RAI1: variants seen among roughly 807,000 people sequenced by gnomAD.
RAI1 encodes retinoic acid induced 1, also known as retinoic acid-induced protein 1.
In RAI1, 9 loss-of-function variants were observed where a neutral mutation model predicts 123.8. The observed-to-expected ratio is 0.07, with a 90% confidence interval of 0.04 to 0.13. The LOEUF (loss-of-function observed/expected upper bound fraction) is 0.13, where lower values mean the gene tolerates loss of function less well. RAI1 is among the 10% of genes least tolerant of loss of function. The pLI is 1.00. For synonymous variants in RAI1, 1,231 were observed against 1,127.3 expected (o/e 1.09, Z -1.84); for missense variants, 2,256 against 2,545.8 (o/e 0.89, Z 2.45).
At chr17:17,745,644 C>T (rs1323360424) in intron 2 of RAI1, among the ~76,000 whole-genome samples, 2 of 152,186 alleles carry the variant, frequency 1.3e-5, no homozygotes, top group Non-Finnish European at 2.9e-5. Flanking sequence ...GTGATCCACC[C>T]GCCTTGGCCT....
chr17:17,782,394 G>A (rs1293333036), intron 2 of RAI1, among the ~76,000 whole-genome samples: 1 of 151,922 alleles, frequency 6.6e-6, no homozygotes, highest in African/African-American at 2.4e-5. Flanking sequence ...GGAGGGCAGA[G>A]CGGGATTCCC....
At chr17:17,715,723 C>T (rs1426790372) in intron 1 of RAI1, among the ~76,000 whole-genome samples, 1 of 152,156 alleles carries the variant, frequency 6.6e-6, no homozygotes, top group African/African-American at 2.4e-5. Flanking sequence ...ATTCAGATGC[C>T]CCCCGGAAAG....
In RAI1 at chr17:17,800,210, C is replaced by G. The variant is rs1199777783; in HGVS notation, c.5565+1697C>G. On this transcript the variant is annotated intron_variant, in intron 3 of 5. Transcript: ENST00000353383. The surrounding 1 kb of genome is among the most constrained non-coding windows in gnomAD (Gnocchi z 4.7). ...TCTCTCTCTCTCTCTCTCTCTCTCT[C>G]TCTCTCTCTCTCTCTCTCATTACTG... Among the ~76,000 whole-genome samples, 17 of 142,172 alleles carry G rather than the reference C, an allele frequency of 1.2e-4. No individual in the cohort carries two copies. The highest frequency in any genetic ancestry group is 3.2e-4 in the African/African-American group (12 of 37,204). The allele number at this position is 142,172 out of a possible 152,430, so 93.3% of individuals were successfully genotyped here. A position where few individuals can be genotyped will look rare whatever the true frequency, so the allele number is the denominator to read the frequency against.
chr17:17,798,926 A>C (rs1341838446), intron 3 of RAI1, among the ~76,000 whole-genome samples: 1 of 152,016 alleles, frequency 6.6e-6, no homozygotes, highest in Non-Finnish European at 1.5e-5. Context: ...CAAGTTGCCC[A>C]CCCTCTGTTC....
chr17:17,688,805 G>A (rs1405651125), intron 1 of RAI1, among the ~76,000 whole-genome samples: 4 of 151,890 alleles, frequency 2.6e-5, no homozygotes, highest in Non-Finnish European at 5.9e-5. Context: ...TCACCATGCT[G>A]GTCAGGCTGG....
Position 17,796,900 on chromosome 17 carries a change from G to T in RAI1, c.3952G>T (p.Val1318Leu). 6.2e-7 allele frequency: 1 copy of T among 1,613,332 alleles called. No homozygotes were observed. The change falls in exon 3 of 6, where the codon GTG becomes TTG. Residue 1318 changes from valine to leucine, a missense_variant. Transcript: ENST00000353383. The surrounding 1 kb of genome is among the most constrained non-coding windows in gnomAD (Gnocchi z 5.8). ...CTTCCAGGGGGCCATGAAGACCAAG[G>T]TGCTGCCACCCCGGAAGGGCCGGGG... ...AAFQGAMKTK[V>L]LPPRKGRGLK... is the part of the protein sequence containing the mutation.
intron 2 of RAI1, among the ~76,000 whole-genome samples, chr17:17,757,815 C>T (rs147154709): frequency 0.018 from 2,803 of 152,314 alleles, 82 homozygotes; most frequent in African/African-American, 0.063. Context: ...CAACCCCAGG[C>T]GCCGGGGCGG....
At chr17:17,777,491 G>A (rs2031388689) in intron 2 of RAI1, 1 of 152,226 alleles carries the variant, frequency 6.6e-6, no homozygotes, top group African/African-American at 2.4e-5. Context: ...ATTATGGTGA[G>A]AAGTTTGTAG....
chr17:17,786,769 C>G (rs1330776265), intron 2 of RAI1, among the ~76,000 whole-genome samples: 1 of 152,232 alleles, frequency 6.6e-6, no homozygotes, highest in East Asian at 1.9e-4. Context: ...GCCAGACAGT[C>G]CTGTGCCTTC....
intron 4 of RAI1, among the ~76,000 whole-genome samples, chr17:17,804,945 C>G (rs1263308805): frequency 6.6e-6 from 1 of 152,130 alleles, no homozygotes; most frequent in Non-Finnish European, 1.5e-5. Context: ...TCACTGCAAC[C>G]TCCGCCTCCC....
intron 2 of RAI1, among the ~76,000 whole-genome samples, chr17:17,742,623 A>AAG (rs985905597): frequency 2.4e-4 from 36 of 152,034 alleles, no homozygotes; most frequent in South Asian, 4.2e-4. Flanking sequence ...CTCGTTTTAA[A>AAG]AGAGAGAGAG....
intron 1 of RAI1, among the ~76,000 whole-genome samples, chr17:17,716,956 C>T (rs1160401096): frequency 1.3e-5 from 2 of 152,182 alleles, no homozygotes; most frequent in East Asian, 1.9e-4. Context: ...ACCCCACCAG[C>T]GTTGGGGCTG....
At chr17:17,752,358 G>C (rs540124435) in intron 2 of RAI1, among the ~76,000 whole-genome samples, 1 of 152,212 alleles carries the variant, frequency 6.6e-6, no homozygotes, top group Non-Finnish European at 1.5e-5. Context: ...GAGCGGAAAG[G>C]GGCGGGGCTG....
chr17:17,762,659 C>T (rs879493468), intron 2 of RAI1, among the ~76,000 whole-genome samples: 1 of 152,120 alleles, frequency 6.6e-6, no homozygotes, highest in Non-Finnish European at 1.5e-5. Flanking sequence ...TGTGACTGGC[C>T]AGGGGTTTGA....
At chr17:17,747,496 C>T (rs554081969) in intron 2 of RAI1, among the ~76,000 whole-genome samples, 41 of 152,260 alleles carry the variant, frequency 2.7e-4, no homozygotes, top group South Asian at 6.2e-4. Context: ...TGAGGGCAAC[C>T]GACATAGGGC....
rs1248807209 is a variant in RAI1, at chr17:17,800,487, G to T, written c.5565+1974G>T. ...CACTGGCCGGCCGAAGGGAGGAGGG[G>T]TCAGCCCCGAGCACCGACCACCCCA... On this transcript the variant is annotated intron_variant, in intron 3 of 5. Transcript: ENST00000353383. The surrounding 1 kb of genome is among the most constrained non-coding windows in gnomAD (Gnocchi z 4.7). 1.3e-5 allele frequency among the ~76,000 whole-genome samples: 2 copies of T among 152,214 alleles called. No homozygotes were observed. Among genetic ancestry groups the T allele is most frequent in the Non-Finnish European group, 2.9e-5 (2 of 68,036 alleles).
intron 2 of RAI1, chr17:17,778,840 C>G: frequency 2.2e-6 from 1 of 456,798 alleles, no homozygotes; most frequent in Non-Finnish European, 4.4e-6. Context: ...CTCTCTCCCC[C>G]AGATGCTGAG....
rs759732103 is a variant in RAI1, at chr17:17,794,844, G to A, written c.1896G>A (p.Leu632=). 1.2e-6 allele frequency: 2 copies of A among 1,613,214 alleles called. No homozygotes were observed. The highest frequency in any genetic ancestry group is 8.5e-7 in the Non-Finnish European group (1 of 1,179,998). The change falls in exon 3 of 6, where the codon CTG becomes CTA. Residue 632 remains leucine (L), a synonymous_variant. Coordinates refer to ENST00000353383, the MANE Select transcript of RAI1 (RefSeq NM_030665.4). ...AAGCTTGGGCTGAAGCACCCAGCCT[G>A]GTCAAGGACAGCAGCAAGCCACCCT... ...ADKAWAEAPS[L]VKDSSKPPFS...
In RAI1 at chr17:17,723,666, G is replaced by GC. The variant is rs1237409465; in HGVS notation, c.-148-355dup. ...CGCTCCCTTCCCGAGCTCATCTCTC[G>GC]CCCCCCCGCCCGCCTCCTCCTTCCC... On this transcript the variant is annotated intron_variant, in intron 1 of 5. Transcript: ENST00000353383. Among the ~76,000 whole-genome samples, 9 of 124,792 alleles carry GC rather than the reference G, an allele frequency of 7.2e-5. No homozygotes were observed. In the South Asian group the frequency reaches 1.1e-3, roughly 15 times the overall value. The allele number at this position is 124,792 out of a possible 152,430, so 81.9% of individuals were successfully genotyped here.
Sources: allele counts gnomAD v4.1 joint callset (sites outside exome capture counted in the v4.1 genomes callset), GRCh38; gene constraint gnomAD v4.1.1; non-coding constraint Gnocchi (gnomAD v3.1); transcripts MANE v1.5; gene names NCBI Gene and HGNC (gene_info 2026-07-23, HGNC 2026-07-21).